The following PLAA variants were observed in gnomAD, a reference collection of about 807,000 sequenced individuals.
The protein encoded by PLAA is phospholipase A-2-activating protein.
Under a neutral mutation model 84.1 loss-of-function variants are expected in PLAA, and 48 were observed. The ratio of observed to expected loss-of-function variants is 0.57; its 90% CI spans 0.45 to 0.73. The LOEUF is 0.73. PLAA is among the 30% of genes least tolerant of loss of function. PLAA has a pLI of 0.00. For synonymous variants in PLAA, 392 were observed against 336.6 expected, an observed-to-expected ratio of 1.16 and a Z score of -1.80; for missense variants, 903 against 954.7, an observed-to-expected ratio of 0.95 and a Z score of 0.71.
intron 10 of PLAA, among the ~76,000 whole-genome samples, chr9:26,914,533 C>T (rs1244718619): frequency 2.7e-5 from 4 of 150,404 alleles, no homozygotes; most frequent in South Asian, 2.1e-4. Flanking sequence ...TTGTTACAAC[C>T]GGCGCAAAAC....
At chr9:26,922,871 C>T (rs866301892) in intron 7 of PLAA, among the ~76,000 whole-genome samples, 25 of 152,024 alleles carry the variant, frequency 1.6e-4, no homozygotes, top group African/African-American at 6.0e-4. Flanking sequence ...CAGTTTGTAA[C>T]CCCTCTCAGA....
rs1199824622 is a variant in PLAA, at chr9:26,904,277, G to A, written c.*1234C>T. 2 of 152,148 alleles carry A rather than the reference G, an allele frequency of 1.3e-5. No individual in the cohort carries two copies. Among genetic ancestry groups the A allele is most frequent in the South Asian group, 2.1e-4 (1 of 4,830 alleles). 9.4% of individuals were successfully genotyped at this position (152,148 alleles called of 1,614,324 possible). Reference sequence around the variant, plus strand: ...GGGATTCATGGTTTTTACACCACGAGTATTGAGAATGTTGCTATTTCTGGC... The same window carrying A: ...GGGATTCATGGTTTTTACACCACGAATATTGAGAATGTTGCTATTTCTGGC... On this transcript the variant is annotated 3_prime_UTR_variant, in exon 14 of 14. Coordinates refer to ENST00000397292, the MANE Select transcript of PLAA (RefSeq NM_001031689.3).
intron 2 of PLAA, among the ~76,000 whole-genome samples, chr9:26,933,138 C>T (rs998323556): frequency 8.6e-5 from 13 of 152,000 alleles, no homozygotes; most frequent in African/African-American, 3.1e-4. Flanking sequence ...TGTGGTGGCG[C>T]GCGCCTGTAG....
At chr9:26,910,547 G>T in intron 11 of PLAA, 108 bp from the exon 12 acceptor site, 1 of 651,154 alleles carries the variant, frequency 1.5e-6, no homozygotes. Context: ...CAACTATTCA[G>T]TGCGTGCAAT....
At chr9:26,935,525 G>A (rs552946779) in intron 1 of PLAA, among the ~76,000 whole-genome samples, 1 of 152,126 alleles carries the variant, frequency 6.6e-6, no homozygotes, top group Non-Finnish European at 1.5e-5. Flanking sequence ...ACACATTAGT[G>A]ACTGTTACCC....
In PLAA at chr9:26,903,929, C is replaced by G. The variant is rs1366809209; in HGVS notation, c.*1582G>C. The stretch of plus-strand genomic sequence containing the variant: ...ATTAAATTATTTGTACTTAAGAAAG[C>G]AGTGTATTGTAAAGGAACCAGCCAG... On this transcript the variant is annotated 3_prime_UTR_variant, in exon 14 of 14. Transcript: ENST00000397292. Among the ~76,000 whole-genome samples the G allele has an allele frequency of 1.3e-5, 2 of 152,094 alleles. No individual in the cohort carries two copies. Among genetic ancestry groups the G allele is most frequent in the African/African-American group, 4.8e-5 (2 of 41,422 alleles).
In PLAA at chr9:26,935,095, G is replaced by A. The variant is rs115198987; in HGVS notation, c.261C>T (p.Thr87=). Residue 87 remains threonine (T), a synonymous_variant, in exon 2 of 14, where the codon ACC becomes ACT. Coordinates refer to ENST00000397292, the MANE Select transcript of PLAA (RefSeq NM_001031689.3). ...TGCATATATTGTGGTCATTTCCACC[G>A]GTGGCAATTAGGCCATGAGGGTAGA... The part of the protein sequence containing the change: ...SDIYPHGLIA[T]GGNDHNICIF... The A allele has an allele frequency of 2.4e-5, 38 of 1,610,218 alleles. No homozygotes were observed. Among genetic ancestry groups the A allele is most frequent in the African/African-American group, 9.4e-5 (7 of 74,796 alleles).
chr9:26,906,984 T>C (rs182483617), intron 13 of PLAA, among the ~76,000 whole-genome samples: 4 of 125,326 alleles, frequency 3.2e-5, no homozygotes, highest in East Asian at 2.2e-4. Flanking sequence ...TAGCAATAAA[T>C]ACAGAGATGG....
At chr9:26,933,008 G>A (rs1169459538) in intron 2 of PLAA, among the ~76,000 whole-genome samples, 1 of 152,038 alleles carries the variant, frequency 6.6e-6, no homozygotes. Flanking sequence ...GGTGGCTCAG[G>A]CCTGTAATCC....
At position 26,903,646 on chromosome 9, in the gene PLAA, T is replaced by G. The variant is rs1305514244; in HGVS notation, c.*1865A>C. 6.6e-6 allele frequency among the ~76,000 whole-genome samples: 1 copy of G among 152,118 alleles called. No homozygotes were observed. The highest frequency in any genetic ancestry group is 1.5e-5 in the Non-Finnish European group (1 of 68,002). On this transcript the variant is annotated 3_prime_UTR_variant, in exon 14 of 14. Coordinates refer to ENST00000397292, the MANE Select transcript of PLAA (RefSeq NM_001031689.3). ...TAAGAGAATCATAGGAAAGTTTAACTAAAAAAGAAAATCTTTAAAATATCA... is the reference window on the plus strand; with the variant it reads ...TAAGAGAATCATAGGAAAGTTTAACGAAAAAAGAAAATCTTTAAAATATCA...
intron 5 of PLAA, 83 bp downstream of exon 5, chr9:26,926,310 C>T (rs1326606418): frequency 6.0e-6 from 5 of 832,868 alleles, no homozygotes; most frequent in Non-Finnish European, 9.7e-6. Context: ...ATTAAGTAAT[C>T]AGCTCTCCTC....
At position 26,946,960 on chromosome 9, in the gene PLAA, T is replaced by G. The variant is rs756160184; in HGVS notation, c.86A>C (p.Tyr29Ser). 1.9e-5 allele frequency: 30 copies of G among 1,589,924 alleles called. No individual in the cohort carries two copies. The highest frequency in any genetic ancestry group is 4.3e-6 in the Non-Finnish European group (5 of 1,168,492). ...LDVRGLVCCA[Y>S]PPGAFVSVSR... is the part of the protein sequence containing the mutation. Reference sequence around the variant, plus strand: ...CACGGACACAAAGGCTCCCGGCGGATAGGCGCAGCACACCAGGCCCCGTAC... The same window carrying G: ...CACGGACACAAAGGCTCCCGGCGGAGAGGCGCAGCACACCAGGCCCCGTAC... Residue 29 changes from tyrosine (Y) to serine (S), a missense_variant, in exon 1 of 14, where the codon TAT becomes TCT. Transcript: ENST00000397292.
intron 11 of PLAA, among the ~76,000 whole-genome samples, chr9:26,910,686 C>CT (rs1177522216): frequency 2.0e-5 from 3 of 151,802 alleles, no homozygotes; most frequent in Non-Finnish European, 2.9e-5. Flanking sequence ...CTTTTTACTT[C>CT]TTTTTTTTCT....
intron 1 of PLAA, among the ~76,000 whole-genome samples, chr9:26,942,706 C>T (rs1825577307): frequency 6.6e-6 from 1 of 151,960 alleles, no homozygotes; most frequent in Admixed American, 6.6e-5. Flanking sequence ...CACTGTGAAA[C>T]CCCGTCTCTA....
intron 2 of PLAA, among the ~76,000 whole-genome samples, chr9:26,930,566 T>C (rs1825148872): frequency 6.6e-6 from 1 of 151,206 alleles, no homozygotes; most frequent in Non-Finnish European, 1.5e-5. Context: ...AATACTCATA[T>C]GTTACATCAC....
chr9:26,925,235 A>G (rs1211075497), intron 6 of PLAA, among the ~76,000 whole-genome samples: 3 of 152,212 alleles, frequency 2.0e-5, no homozygotes, highest in African/African-American at 7.2e-5. Context: ...TTAGTAATTC[A>G]TAAGTTCTGC....
At position 26,910,362 on chromosome 9, in the gene PLAA, G is replaced by C; in HGVS notation, c.1633C>G (p.Gln545Glu). The C allele has an allele frequency of 6.2e-7, 1 of 1,612,070 alleles. No homozygotes were observed. Among genetic ancestry groups the C allele is most frequent in the Non-Finnish European group, 8.5e-7 (1 of 1,178,462 alleles). Residue 545 changes from glutamine to glutamate, a missense_variant, in exon 12 of 14, where the codon CAA becomes GAA. Gln to Glu is a conservative substitution (Grantham distance 29, BLOSUM62 2). Coordinates refer to ENST00000397292, the MANE Select transcript of PLAA (RefSeq NM_001031689.3). ...CCTAATATTTGTGTAGGGTTTGCTT[G>C]GTCAAATGTGACAGCCTCTTTTTTA... ...FPKKEAVTFDQANPTQILGKL... is the reference protein window; with the variant it reads ...FPKKEAVTFDEANPTQILGKL...
In PLAA at chr9:26,935,139, T is replaced by C; in HGVS notation, c.217A>G (p.Ile73Val). ...GGGTAGATGTCACTTGAGGGTATGA[T>C]GCATACACAAGATACAAAATTGGAA... Reference protein sequence around the residue: ...GHSNFVSCVCIIPSSDIYPHG... With the variant: ...GHSNFVSCVCVIPSSDIYPHG... The change falls in exon 2 of 14, where the codon ATC becomes GTC. Residue 73 changes from isoleucine to valine, a missense_variant. By Grantham distance (29) the Ile-to-Val change is conservative. Transcript: ENST00000397292. 2 of 1,606,560 alleles carry C rather than the reference T, an allele frequency of 1.2e-6. No individual in the cohort carries two copies. Among genetic ancestry groups the C allele is most frequent in the Non-Finnish European group, 8.5e-7 (1 of 1,177,672 alleles).
At chr9:26,939,458 A>C (rs12002068) in intron 1 of PLAA, among the ~76,000 whole-genome samples, 14,352 of 147,110 alleles carry the variant, frequency 0.098, 809 homozygotes, top group African/African-American at 0.13. Flanking sequence ...ACACAAAAGA[A>C]GACAGTAATG....
Sources: gnomAD v4.1 joint callset for allele counts (sites outside exome capture counted in the v4.1 genomes callset) on GRCh38, gnomAD v4.1.1 for gene constraint, MANE v1.5 for transcripts, NCBI Gene and HGNC (gene_info 2026-07-23, HGNC 2026-07-21) for gene names.